Variants in CAMK4 observed in about 807,000 individuals in gnomAD.
The protein encoded by CAMK4 is calcium/calmodulin dependent protein kinase IV.
CAMK4 carries 22 observed loss-of-function variants against 44.9 expected under a neutral mutation model. The ratio of observed to expected loss-of-function variants is 0.49; its 90% confidence interval spans 0.35 to 0.70. CAMK4 has a LOEUF of 0.70. CAMK4 is among the 30% of genes least tolerant of loss of function. The pLI is 0.01. For synonymous variants in CAMK4, 218 were observed against 215.4 expected, an observed-to-expected ratio of 1.01 and a Z score of -0.11; for missense variants, 498 against 586.8, an observed-to-expected ratio of 0.85 and a Z score of 1.56.
At chr5:111,388,257 A>G (rs1580687345) in intron 4 of CAMK4, among the ~76,000 whole-genome samples, 1 of 152,196 alleles carries the variant, frequency 6.6e-6, no homozygotes, top group East Asian at 1.9e-4. Flanking sequence ...TGTTCTCACT[A>G]CAGAATTAAT....
intron 5 of CAMK4, among the ~76,000 whole-genome samples, chr5:111,438,862 A>C (rs1753733883): frequency 6.6e-6 from 1 of 152,214 alleles, no homozygotes. Context: ...TTTTCAACTT[A>C]GTTGCCAACA....
chr5:111,224,307 C>G (rs1280755879), upstream of CAMK4: 3 of 916,252 alleles, frequency 3.3e-6, no homozygotes, highest in Admixed American at 9.1e-5. The surrounding 1 kb of genome is among the most constrained non-coding windows in gnomAD (Gnocchi z 5.7). Context: ...CGCAGAGGCT[C>G]GCCCCCTTCC....
intron 2 of CAMK4, among the ~76,000 whole-genome samples, chr5:111,362,842 A>G (rs1229997159): frequency 6.6e-6 from 1 of 152,082 alleles, no homozygotes; most frequent in Non-Finnish European, 1.5e-5. Context: ...CTACATCCAT[A>G]GAATTCTTTT....
chr5:111,272,340 G>A (rs562032693), intron 1 of CAMK4, among the ~76,000 whole-genome samples: 1 of 152,012 alleles, frequency 6.6e-6, no homozygotes, highest in East Asian at 1.9e-4. Flanking sequence ...TCTCTGTTGT[G>A]CTACAGAAAG....
chr5:111,275,203 T>C (rs1325352359), intron 1 of CAMK4, among the ~76,000 whole-genome samples: 1 of 152,196 alleles, frequency 6.6e-6, no homozygotes, highest in African/African-American at 2.4e-5. Flanking sequence ...GTGGTCACTA[T>C]GCTGTGCAGT....
chr5:111,268,110 C>T lies in CAMK4; in HGVS notation c.161+43466C>T, dbSNP rs1040757715. Among the ~76,000 whole-genome samples, 7 of 152,112 alleles carry T rather than the reference C, an allele frequency of 4.6e-5. No homozygotes were observed. The South Asian group carries it at 1.0e-3, about 23-fold the overall frequency. On this transcript the variant is annotated intron_variant, in intron 1 of 10. Transcript: ENST00000282356. ...CTGCCTGGTGGAAGCTTGAGGTAGG[C>T]CCTCTACTACTCATTATTTTTACTA...
intron 1 of CAMK4, among the ~76,000 whole-genome samples, chr5:111,250,736 A>G (rs1749450199): frequency 6.6e-6 from 1 of 152,000 alleles, no homozygotes; most frequent in Admixed American, 6.6e-5. Flanking sequence ...ATCTTTTCTG[A>G]CATCCATTTA....
rs77003260 is a variant in CAMK4, at chr5:111,378,229, G to A, written c.386+1287G>A. On this transcript the variant is annotated intron_variant, in intron 4 of 10. Transcript: ENST00000282356. Reference sequence around the variant, plus strand: ...AAGAAGGTGCCTTCTATGAGAAAGCGGGCCCTCACCAGACACAAAATCTTC... The same window carrying A: ...AAGAAGGTGCCTTCTATGAGAAAGCAGGCCCTCACCAGACACAAAATCTTC... 1.7e-3 allele frequency among the ~76,000 whole-genome samples: 252 copies of A among 152,108 alleles called. 3 individuals carry two copies. In the East Asian group the frequency reaches 0.029, roughly 17 times the overall value.
intron 2 of CAMK4, among the ~76,000 whole-genome samples, chr5:111,346,799 T>C (rs1298252153): frequency 3.4e-5 from 5 of 146,490 alleles, no homozygotes; most frequent in Non-Finnish European, 7.5e-5. Flanking sequence ...TAAACCAAAC[T>C]TGAGTCAGCT....
At position 111,259,449 on chromosome 5, in the gene CAMK4, T is replaced by C. The variant is rs529268856; in HGVS notation, c.161+34805T>C. On this transcript the variant is annotated intron_variant, in intron 1 of 10. Transcript: ENST00000282356. ...CAAGTTCCCTGAAAGATATTTGCAC[T>C]GAACTCATGATATTCACGGAAAAAA... 5.1e-4 allele frequency among the ~76,000 whole-genome samples: 78 copies of C among 152,320 alleles called. No homozygotes were observed. In the East Asian group the frequency reaches 0.014, roughly 27 times the overall value.
intron 1 of CAMK4, among the ~76,000 whole-genome samples, chr5:111,342,351 C>T (rs189800874): frequency 2.1e-4 from 32 of 151,464 alleles, no homozygotes; most frequent in Admixed American, 1.3e-3. Context: ...GCATAGTTGA[C>T]GCCTTCGTAA....
intron 1 of CAMK4, among the ~76,000 whole-genome samples, chr5:111,227,950 GAAACT>G (rs1374503771): frequency 6.6e-6 from 1 of 152,188 alleles, no homozygotes; most frequent in African/African-American, 2.4e-5. Flanking sequence ...AGTGATTTGA[GAAACT>G]GGCATTTTAA....
At position 111,486,505 on chromosome 5, in the gene CAMK4, A is replaced by ACACACACACACACACAC. The variant is rs1755627684; in HGVS notation, c.*2040_*2056dup. ...ACTTTTTACCATGAGACTGAAACAC[A>ACACACACACACACACAC]CACACACACACACACACACACACAC... On this transcript the variant is annotated 3_prime_UTR_variant, in exon 11 of 11. Coordinates refer to ENST00000282356, the MANE Select transcript of CAMK4 (RefSeq NM_001744.6). 2.3e-5 allele frequency: 1 copy of ACACACACACACACACAC among 42,894 alleles called. No homozygotes were observed. The highest frequency in any genetic ancestry group is 6.4e-5 in the Non-Finnish European group (1 of 15,518). The allele number at this position is 42,894 out of a possible 1,614,324, so 2.7% of individuals were successfully genotyped here.
intron 5 of CAMK4, among the ~76,000 whole-genome samples, chr5:111,418,471 T>G (rs1355110727): frequency 6.6e-6 from 1 of 152,152 alleles, no homozygotes; most frequent in Admixed American, 6.5e-5. Context: ...CTTTAAGTTT[T>G]AGGGTACATG....
chr5:111,288,952 A>G (rs1054547245), intron 1 of CAMK4, among the ~76,000 whole-genome samples: 22 of 152,232 alleles, frequency 1.4e-4, no homozygotes, highest in African/African-American at 5.3e-4. Flanking sequence ...TTAAAGTCCC[A>G]TGCACAGAGT....
intron 7 of CAMK4, among the ~76,000 whole-genome samples, chr5:111,454,582 G>C (rs1197467786): frequency 3.5e-5 from 5 of 143,896 alleles, no homozygotes; most frequent in Non-Finnish European, 7.5e-5. Flanking sequence ...AATAACCCAT[G>C]AAGAGTTCAG....
At chr5:111,442,863 C>T (rs150642262) in intron 5 of CAMK4, among the ~76,000 whole-genome samples, 1 of 149,128 alleles carries the variant, frequency 6.7e-6, no homozygotes, top group African/African-American at 2.4e-5. Flanking sequence ...GAGCTTATTG[C>T]TTTTTCAAAA....
At chr5:111,402,700 A>G (rs78201772) in intron 5 of CAMK4, among the ~76,000 whole-genome samples, 5,265 of 152,220 alleles carry the variant, frequency 0.035, 114 homozygotes, top group South Asian at 0.067. Context: ...GTTCCTTGGG[A>G]CAGTTTGCTC....
In CAMK4 at chr5:111,482,950, ATATTT is replaced by A. The variant is rs1755484362; in HGVS notation, c.981+15_981+19del. On this transcript the variant is annotated intron_variant, in intron 10 of 10. Coordinates refer to ENST00000282356, the MANE Select transcript of CAMK4 (RefSeq NM_001744.6). This position sits in a 1 kb window ranked among gnomAD's most constrained non-coding sequence, Gnocchi z 4.9. ...GCGTAAGCTTAAGGTAAGATAGCAT[ATATTT>A]TGTTTTGTTTTGTTTTGTTTTCAAA... The A allele has an allele frequency of 1.9e-6, 3 of 1,583,844 alleles. No individual in the cohort carries two copies. In the African/African-American group the frequency reaches 4.1e-5, roughly 22 times the overall value.
Sources: allele counts gnomAD v4.1 joint callset (sites outside exome capture counted in the v4.1 genomes callset), GRCh38; gene constraint gnomAD v4.1.1; non-coding constraint Gnocchi (gnomAD v3.1); transcripts MANE v1.5; gene names NCBI Gene and HGNC (gene_info 2026-07-23, HGNC 2026-07-21).